Variants in TMC5 observed in about 807,000 individuals in gnomAD.
TMC5 encodes transmembrane channel like 5.
A neutral mutation model predicts 110.5 loss-of-function variants in TMC5; 86 were observed. The ratio of observed to expected loss-of-function variants is 0.78; its 90% confidence interval spans 0.65 to 0.93. The LOEUF is 0.93. Among genes scored for constraint, TMC5 ranks in the 40% least tolerant of loss-of-function variants. The probability of loss-of-function intolerance (pLI) is 0.00; values close to 1 mark genes in which losing one functional copy is unlikely to be tolerated. For missense variants in TMC5, 1,144 were observed against 1,222.8 expected (o/e 0.94, Z 0.96); for synonymous variants, 455 against 439.5 (o/e 1.04, Z -0.44).
At chr16:19,423,034 G>C (rs1967018602) in intron 1 of TMC5, among the ~76,000 whole-genome samples, 1 of 152,178 alleles carries the variant, frequency 6.6e-6, no homozygotes, top group Non-Finnish European at 1.5e-5. Context: ...TGAGGCAGGA[G>C]GATCGATGGA....
At chr16:19,424,344 G>A (rs538714818) in intron 1 of TMC5, among the ~76,000 whole-genome samples, 430 of 152,120 alleles carry the variant, frequency 2.8e-3, no homozygotes, top group Non-Finnish European at 4.1e-3. Flanking sequence ...CCCGTAAACC[G>A]TATCATATTA....
chr16:19,467,681 C>T (rs558848701), intron 9 of TMC5, among the ~76,000 whole-genome samples: 11 of 152,140 alleles, frequency 7.2e-5, no homozygotes, highest in African/African-American at 2.4e-4. Context: ...GGGGTTTCAC[C>T]ATGTTGGCCA....
intron 1 of TMC5, among the ~76,000 whole-genome samples, chr16:19,428,793 T>A (rs1246345161): frequency 6.6e-6 from 1 of 152,056 alleles, no homozygotes; most frequent in Non-Finnish European, 1.5e-5. Flanking sequence ...AGGATGACTA[T>A]TTTGCTGTAT....
At chr16:19,464,592 T>C (rs1278423817) in intron 8 of TMC5, among the ~76,000 whole-genome samples, 1 of 152,248 alleles carries the variant, frequency 6.6e-6, no homozygotes, top group Non-Finnish European at 1.5e-5. Context: ...CATTCTTTTC[T>C]TTTCTTACAA....
At chr16:19,493,120 C>A (rs1026527420) in intron 19 of TMC5, among the ~76,000 whole-genome samples, 14 of 151,126 alleles carry the variant, frequency 9.3e-5, no homozygotes, top group Admixed American at 6.6e-4. Context: ...TGCCACCACA[C>A]CCGGCTAATT....
intron 18 of TMC5, 53 bp from the exon 19 acceptor site, chr16:19,492,097 A>G: frequency 1.4e-6 from 2 of 1,421,108 alleles, no homozygotes; most frequent in East Asian, 2.3e-5. Context: ...GTGGAAATTC[A>G]GAGCCTGCAA....
In TMC5 at chr16:19,497,039, A is replaced by G. The variant is rs188541701; in HGVS notation, c.2932-82A>G. On this transcript the variant is annotated intron_variant, in intron 20 of 21. Coordinates refer to ENST00000542583, the MANE Select transcript of TMC5 (RefSeq NM_001261841.2). The stretch of plus-strand genomic sequence containing the variant: ...ACTTCTATAAAATGGTGAGGGGCTC[A>G]CAAATTGTGCCAAATATGTGACAAG... The G allele has an allele frequency of 1.2e-4, 173 of 1,458,958 alleles. 1 individual carries two copies. The East Asian group carries it at 3.8e-3, about 32-fold the overall frequency. 90.4% of individuals were successfully genotyped at this position (1,458,958 alleles called of 1,614,324 possible).
At chr16:19,420,403 G>A (rs1966957650) in intron 1 of TMC5, among the ~76,000 whole-genome samples, 1 of 150,608 alleles carries the variant, frequency 6.6e-6, no homozygotes, top group African/African-American at 2.4e-5. Flanking sequence ...ACTCCAGCCT[G>A]GCAACAGAGC....
intron 13 of TMC5, 85 bp from the exon 14 acceptor site, chr16:19,479,346 G>T: frequency 1.0e-6 from 1 of 999,688 alleles, no homozygotes; most frequent in Non-Finnish European, 1.6e-6. Flanking sequence ...GCTATGTCCT[G>T]ATGGGTACAT....
upstream of TMC5, among the ~76,000 whole-genome samples, chr16:19,417,120 A>G (rs1159389597): frequency 1.3e-5 from 2 of 148,692 alleles, no homozygotes; most frequent in Non-Finnish European, 3.0e-5. Flanking sequence ...AAAAAGAAGA[A>G]AAGAAAAACG....
In TMC5 at chr16:19,498,076, G is replaced by A. The variant is rs982004891; in HGVS notation, c.*110G>A. The A allele has an allele frequency of 4.5e-6, 5 of 1,119,866 alleles. No individual in the cohort carries two copies. The highest frequency in any genetic ancestry group is 5.4e-6 in the Non-Finnish European group (4 of 741,932). The allele number at this position is 1,119,866 out of a possible 1,614,324, so 69.4% of individuals were successfully genotyped here. The stretch of plus-strand genomic sequence containing the variant: ...GGAACTGCCCAGAAGAAAATCCAAG[G>A]CTTTAGCCAGGAGCGGAAACTGACT... On this transcript the variant is annotated 3_prime_UTR_variant, in exon 22 of 22. Coordinates refer to ENST00000542583, the MANE Select transcript of TMC5 (RefSeq NM_001261841.2).
chr16:19,445,486 C>T (rs1320362008), intron 4 of TMC5, among the ~76,000 whole-genome samples: 1 of 152,072 alleles, frequency 6.6e-6, no homozygotes, highest in Non-Finnish European at 1.5e-5. Flanking sequence ...AAGCAATCCT[C>T]CAGTCTCGGC....
intron 18 of TMC5, among the ~76,000 whole-genome samples, chr16:19,491,363 G>C (rs1968900656): frequency 6.6e-6 from 1 of 151,972 alleles, no homozygotes; most frequent in South Asian, 2.1e-4. Flanking sequence ...GCTTGTGCCT[G>C]TAGTCTGAGC....
Position 19,474,217 on chromosome 16 carries a change from G to C in TMC5, c.2031G>C (p.Met677Ile). ...INLAVPCIYS[M>I]FRLVERYEMP... ...TGGCCGTGCCATGCATCTACTCCAT[G>C]TTCAGGCTTGTGGAGAGGTACGAGA... The change falls in exon 12 of 22, where the codon ATG (methionine) becomes ATC (isoleucine). Residue 677 changes from methionine (M) to isoleucine (I), a missense_variant. Physicochemically the swap from Met to Ile is conservative, Grantham distance 10 (BLOSUM62 1). Coordinates refer to ENST00000542583, the MANE Select transcript of TMC5 (RefSeq NM_001261841.2). 1 of 1,614,106 alleles carries C rather than the reference G, an allele frequency of 6.2e-7. No homozygotes were observed.
At chr16:19,475,358 G>T (rs934595823) in intron 12 of TMC5, among the ~76,000 whole-genome samples, 15 of 151,680 alleles carry the variant, frequency 9.9e-5, no homozygotes, top group African/African-American at 3.1e-4. Context: ...GGAGGCGGAG[G>T]TTGCAGCGAA....
At chr16:19,485,703 C>T (rs1476486390) in intron 15 of TMC5, among the ~76,000 whole-genome samples, 1 of 152,220 alleles carries the variant, frequency 6.6e-6, no homozygotes, top group Non-Finnish European at 1.5e-5. Context: ...CAATCCCATT[C>T]CAAAAAGTCA....
chr16:19,451,005 A>G (rs910231338), intron 5 of TMC5, among the ~76,000 whole-genome samples: 1 of 152,156 alleles, frequency 6.6e-6, no homozygotes, highest in Non-Finnish European at 1.5e-5. Context: ...CACGGGGGTT[A>G]TGCCTGTAAT....
intron 12 of TMC5, 89 bp downstream of exon 12, chr16:19,474,365 A>G: frequency 6.9e-7 from 1 of 1,444,614 alleles, no homozygotes; most frequent in Non-Finnish European, 9.4e-7. Flanking sequence ...TTAGTATCAA[A>G]GTTTTTTCTC....
rs151243191 is a variant in TMC5, at chr16:19,490,584, G to A, written c.2747+16G>A. 5.6e-5 allele frequency: 91 copies of A among 1,613,498 alleles called. No individual in the cohort carries two copies. Among genetic ancestry groups the A allele is most frequent in the African/African-American group, 8.0e-5 (6 of 75,000 alleles). ...TCATTGTGCTGTGAGTGTGGTACCC[G>A]GGGAATCTAGCAGGGAAAGCCAGGA... On this transcript the variant is annotated intron_variant, in intron 18 of 21. Coordinates refer to ENST00000542583, the MANE Select transcript of TMC5 (RefSeq NM_001261841.2).
Sources: gnomAD v4.1 joint callset for allele counts (sites outside exome capture counted in the v4.1 genomes callset) on GRCh38, gnomAD v4.1.1 for gene constraint, MANE v1.5 for transcripts, NCBI Gene and HGNC (gene_info 2026-07-23, HGNC 2026-07-21) for gene names.